The following ESCO1 variants were observed in gnomAD, a reference collection of about 807,000 sequenced individuals.
ESCO1 encodes the protein N-acetyltransferase ESCO1.
Under a neutral mutation model 83.5 loss-of-function variants are expected in ESCO1, and 33 were observed. That is an observed-to-expected ratio of 0.40 (90% CI 0.30 to 0.53). The LOEUF (loss-of-function observed/expected upper bound fraction) is 0.53. Ranked by LOEUF, ESCO1 falls within the 20% of genes least tolerant of loss-of-function variation. The probability of loss-of-function intolerance (pLI) is 0.63; values close to 1 mark genes in which losing one functional copy is unlikely to be tolerated. For missense variants in ESCO1, 855 were observed against 968.0 expected (o/e 0.88, Z 1.55); for synonymous variants, 332 against 324.3 (o/e 1.02, Z -0.25).
chr18:21,559,029 T>G (rs2038148877), intron 8 of ESCO1, among the ~76,000 whole-genome samples: 1 of 152,140 alleles, frequency 6.6e-6, no homozygotes, highest in African/African-American at 2.4e-5. Flanking sequence ...CAACCCAAAA[T>G]CTAGAACAGT....
At chr18:21,556,317 TTC>T (rs954412922) in intron 8 of ESCO1, among the ~76,000 whole-genome samples, 1 of 152,170 alleles carries the variant, frequency 6.6e-6, no homozygotes, top group African/African-American at 2.4e-5. Context: ...TACTATTCAC[TTC>T]TCTTTTCTCT....
intron 11 of ESCO1, among the ~76,000 whole-genome samples, chr18:21,532,162 TATTTAAAA>T (rs1193858282): frequency 6.6e-6 from 1 of 152,234 alleles, no homozygotes; most frequent in Non-Finnish European, 1.5e-5. Context: ...TCTTTGGTTA[TATTTAAAA>T]TTCTTCAAAA....
chr18:21,561,981 C>A (rs1047636655), intron 7 of ESCO1, among the ~76,000 whole-genome samples: 1 of 152,020 alleles, frequency 6.6e-6, no homozygotes, highest in Non-Finnish European at 1.5e-5. Flanking sequence ...TGGGTTCAAG[C>A]GATTCTCCTG....
chr18:21,551,512 A>G (rs2038047737), intron 8 of ESCO1, among the ~76,000 whole-genome samples: 1 of 152,226 alleles, frequency 6.6e-6, no homozygotes, highest in South Asian at 2.1e-4. Flanking sequence ...GTGAGCAGAC[A>G]CAAGTAGCCA....
At chr18:21,572,851 C>G (rs536847187) in intron 4 of ESCO1, among the ~76,000 whole-genome samples, 2 of 151,962 alleles carry the variant, frequency 1.3e-5, no homozygotes, top group South Asian at 4.2e-4. Context: ...GTAATCCCAG[C>G]TACTCGGGAG....
intron 2 of ESCO1, among the ~76,000 whole-genome samples, chr18:21,582,020 C>T (rs548487400): frequency 1.3e-5 from 2 of 151,864 alleles, no homozygotes; most frequent in South Asian, 4.2e-4. Context: ...CCTGGGAGAT[C>T]AAGGCTTCAG....
chr18:21,537,925 T>C (rs1048688015), intron 9 of ESCO1, among the ~76,000 whole-genome samples: 1 of 151,310 alleles, frequency 6.6e-6, no homozygotes, highest in Non-Finnish European at 1.5e-5. Context: ...CTTTTTTCAA[T>C]AAACATATTG....
rs1293829403 is a variant in ESCO1 at position 21,531,441 on chromosome 18, A to C, written c.2376-951T>G. On this transcript the variant is annotated intron_variant, in intron 11 of 11. Transcript: ENST00000269214. ...ACAAAGTGAGATGCTGTCTCCAAAA[A>C]AGAAAAAAAATACTTGGGAATAAAT... Among the ~76,000 whole-genome samples the C allele has an allele frequency of 3.3e-5, 5 of 152,106 alleles. No homozygotes were observed. In the East Asian group the frequency reaches 5.8e-4, roughly 18 times the overall value.
At chr18:21,591,737 T>C (rs1005765816) in intron 1 of ESCO1, among the ~76,000 whole-genome samples, 8 of 151,650 alleles carry the variant, frequency 5.3e-5, no homozygotes, top group African/African-American at 9.7e-5. Flanking sequence ...GGCAGGGTCA[T>C]AGGACAATAG....
chr18:21,566,009 C>T (rs2038255135), intron 6 of ESCO1, 137 bp downstream of exon 6: 1 of 694,628 alleles, frequency 1.4e-6, no homozygotes, highest in African/African-American at 1.8e-5. Context: ...TATGTATAGG[C>T]ATAGAAAAAG....
intron 8 of ESCO1, among the ~76,000 whole-genome samples, chr18:21,555,894 A>AG (rs1295580197): frequency 1.3e-5 from 2 of 152,112 alleles, no homozygotes; most frequent in African/African-American, 4.8e-5. Context: ...CAGGAGTTTG[A>AG]GGTTACAATG....
chr18:21,535,721 T>C lies in ESCO1; in HGVS notation c.2187+321A>G, dbSNP rs192362308. ...CAGTAGAGAACAGGTTTTCACAATGTTGGCAAGGCTGGTCTCAAACTCCTG... is the reference window on the plus strand; with the variant it reads ...CAGTAGAGAACAGGTTTTCACAATGCTGGCAAGGCTGGTCTCAAACTCCTG... On this transcript the variant is annotated intron_variant, in intron 10 of 11. Transcript: ENST00000269214. Among the ~76,000 whole-genome samples the C allele has an allele frequency of 6.6e-4, 100 of 152,294 alleles. No homozygotes were observed. The Middle Eastern group carries it at 0.014, about 21-fold the overall frequency.
Position 21,573,389 on chromosome 18 carries a change from C to T in ESCO1, c.1455G>A (p.Leu485=). Residue 485 remains leucine (L), a synonymous_variant, in exon 4 of 12, where the codon TTG becomes TTA. Coordinates refer to ENST00000269214, the MANE Select transcript of ESCO1 (RefSeq NM_052911.3). ...TTERAPENCH[L]ANEIKPSDPP... ...GGTCAGAAGGTTTTATCTCATTGGC[C>T]AAATGACAATTTTCAGGAGCCCTTT... The T allele has an allele frequency of 1.2e-6, 2 of 1,609,060 alleles. No individual in the cohort carries two copies. The highest frequency in any genetic ancestry group is 1.7e-6 in the Non-Finnish European group (2 of 1,178,978).
chr18:21,536,070 C>T lies in ESCO1; in HGVS notation c.2159G>A (p.Gly720Asp). The change falls in exon 10 of 12, where the codon GGC (glycine) becomes GAC (aspartate). Residue 720 changes from glycine (G) to aspartate (D), a missense_variant. Gly to Asp is a moderately conservative substitution (Grantham distance 94). This residue lies in a region of ESCO1 where 129 missense variants were observed against 268.5 expected (regional missense o/e 0.48). Transcript: ENST00000269214. The stretch of plus-strand genomic sequence containing the variant: ...TTGGATATGTTCCGCAATTAGGCAG[C>T]CAACTACTTTTTTGTCATTGGAAAT... The part of the protein sequence containing the change: ...LFISNDKKVV[G>D]CLIAEHIQWG... The T allele has an allele frequency of 6.2e-7, 1 of 1,614,028 alleles. No homozygotes were observed. The highest frequency in any genetic ancestry group is 8.5e-7 in the Non-Finnish European group (1 of 1,179,968).
At chr18:21,566,666 G>A (rs1273996622) in intron 5 of ESCO1, among the ~76,000 whole-genome samples, 1 of 152,148 alleles carries the variant, frequency 6.6e-6, no homozygotes, top group Non-Finnish European at 1.5e-5. Flanking sequence ...TTCGAGACCA[G>A]CCTGGCCAAC....
At chr18:21,591,703 G>T in intron 1 of ESCO1, among the ~76,000 whole-genome samples, 1 of 149,650 alleles carries the variant, frequency 6.7e-6, no homozygotes. Flanking sequence ...ATCATTCTTG[G>T]GTGTTTCTCA....
Position 21,564,184 on chromosome 18 carries a change from G to T in ESCO1, c.1821+19C>A. The T allele has an allele frequency of 6.9e-7, 1 of 1,443,410 alleles. No homozygotes were observed. The highest frequency in any genetic ancestry group is 1.2e-5 in the South Asian group (1 of 83,164). 89.4% of individuals were successfully genotyped at this position (1,443,410 alleles called of 1,614,324 possible). On this transcript the variant is annotated intron_variant, in intron 7 of 11. Coordinates refer to ENST00000269214, the MANE Select transcript of ESCO1 (RefSeq NM_052911.3). ...GGTTCTAACAACAATTCACCAAAAT[G>T]GTCAAGTTGTGTACTTACTATAATC... is the stretch of plus-strand genomic sequence containing the variant.
chr18:21,585,059 T>G (rs1296066860), intron 1 of ESCO1, among the ~76,000 whole-genome samples: 1 of 150,184 alleles, frequency 6.7e-6, no homozygotes, highest in Non-Finnish European at 1.5e-5. Context: ...GAGAACTGCT[T>G]GAACCCGGGA....
At chr18:21,556,593 T>C (rs115670065) in intron 8 of ESCO1, among the ~76,000 whole-genome samples, 99 of 152,320 alleles carry the variant, frequency 6.5e-4, no homozygotes, top group African/African-American at 2.3e-3. Context: ...TGTGTGGCTT[T>C]TAAGCACTGG....
Sources: gnomAD v4.1 joint callset for allele counts (sites outside exome capture counted in the v4.1 genomes callset) on GRCh38, gnomAD v4.1.1 for gene constraint, gnomAD v4.1.1 regional missense constraint, MANE v1.5 for transcripts, NCBI Gene and HGNC (gene_info 2026-07-23, HGNC 2026-07-21) for gene names.